The following TNRC6A variants were observed in gnomAD, a reference collection of about 807,000 sequenced individuals.
TNRC6A encodes trinucleotide repeat containing adaptor 6A.
In TNRC6A, 44 loss-of-function variants were observed where a neutral mutation model predicts 221.2. The ratio of observed to expected loss-of-function variants is 0.20; its 90% CI spans 0.16 to 0.26. The LOEUF (loss-of-function observed/expected upper bound fraction) is 0.26, where lower values mean the gene tolerates loss of function less well. Ranked by LOEUF, TNRC6A falls within the 10% of genes least tolerant of loss-of-function variation. The probability of loss-of-function intolerance (pLI) is 1.00; values close to 1 mark genes in which losing one functional copy is unlikely to be tolerated. For missense variants in TNRC6A, 2,199 were observed against 2,404.4 expected (o/e 0.91, Z 1.79); for synonymous variants, 847 against 838.5 (o/e 1.01, Z -0.18).
chr16:24,632,252 G>A (rs940872574), intron 1 of TNRC6A, among the ~76,000 whole-genome samples: 10 of 152,034 alleles, frequency 6.6e-5, no homozygotes, highest in African/African-American at 2.2e-4. Flanking sequence ...ATCCCCCTGT[G>A]GTTTATTGAA....
At chr16:24,638,078 C>A (rs1291718277) in intron 1 of TNRC6A, among the ~76,000 whole-genome samples, 1 of 152,166 alleles carries the variant, frequency 6.6e-6, no homozygotes, top group Non-Finnish European at 1.5e-5. Flanking sequence ...AGCCACCATG[C>A]CTGACTGTGA....
At chr16:24,734,889 A>G (rs2151211074) in intron 2 of TNRC6A, among the ~76,000 whole-genome samples, 1 of 152,354 alleles carries the variant, frequency 6.6e-6, no homozygotes, top group East Asian at 1.9e-4. Context: ...GTCATCATAT[A>G]ACAAAAGTTG....
chr16:24,797,422 A>G, intron 9 of TNRC6A, 68 bp from the exon 10 acceptor site: 1 of 1,182,608 alleles, frequency 8.5e-7, no homozygotes, highest in Non-Finnish European at 1.2e-6. Context: ...AAGTTTTATT[A>G]ATCCGTCACT....
chr16:24,699,040 C>T (rs913881435), intron 2 of TNRC6A, among the ~76,000 whole-genome samples: 1 of 152,078 alleles, frequency 6.6e-6, no homozygotes, highest in Admixed American at 6.6e-5. Context: ...AGCTGAAGAA[C>T]CTACAGAGCG....
intron 1 of TNRC6A, among the ~76,000 whole-genome samples, chr16:24,623,129 A>G (rs1393011570): frequency 6.6e-6 from 1 of 152,124 alleles, no homozygotes; most frequent in African/African-American, 2.4e-5. Context: ...GCAACCACCC[A>G]ACCCAGTCAG....
At chr16:24,821,776 T>G in intron 22 of TNRC6A, 1 of 420,910 alleles carries the variant, frequency 2.4e-6, no homozygotes, top group Non-Finnish European at 4.3e-6. Flanking sequence ...TTGAGATTAT[T>G]TTAGCTCCTA....
At chr16:24,695,046 A>G (rs1186005858) in intron 2 of TNRC6A, among the ~76,000 whole-genome samples, 5 of 152,292 alleles carry the variant, frequency 3.3e-5, no homozygotes, top group Non-Finnish European at 7.3e-5. Context: ...AATTTGATTC[A>G]GAAAACCCAC....
intron 10 of TNRC6A, 75 bp from the exon 11 acceptor site, chr16:24,797,840 G>A: frequency 7.5e-7 from 1 of 1,337,834 alleles, no homozygotes; most frequent in South Asian, 1.5e-5. Context: ...ATGAAACACA[G>A]TAAAATTCTT....
chr16:24,746,434 A>C (rs1050543632), intron 2 of TNRC6A, among the ~76,000 whole-genome samples: 3 of 152,142 alleles, frequency 2.0e-5, no homozygotes, highest in Admixed American at 1.3e-4. Context: ...TAAGAAGTTT[A>C]GTGCTTGAGG....
chr16:24,816,993 T>C, intron 20 of TNRC6A, 37 bp downstream of exon 20: 1 of 1,593,240 alleles, frequency 6.3e-7, no homozygotes, highest in Non-Finnish European at 8.5e-7. Flanking sequence ...TGAGTGACAC[T>C]TAACACAGTT....
chr16:24,708,442 C>T (rs1002814325), intron 2 of TNRC6A, among the ~76,000 whole-genome samples: 6 of 151,908 alleles, frequency 3.9e-5, no homozygotes, highest in African/African-American at 1.5e-4. Context: ...GGGGTTTCAC[C>T]ATGTTAGCCA....
At chr16:24,804,623 T>C in intron 12 of TNRC6A, 82 bp from the exon 13 acceptor site, 1 of 1,514,110 alleles carries the variant, frequency 6.6e-7, no homozygotes, top group South Asian at 1.4e-5. Flanking sequence ...GTCATGTGAC[T>C]TCTCTTCTGT....
intron 10 of TNRC6A, 71 bp from the exon 11 acceptor site, chr16:24,797,844 A>G (rs2058250835): frequency 7.2e-7 from 1 of 1,381,012 alleles, no homozygotes; most frequent in Non-Finnish European, 9.9e-7. Flanking sequence ...AACACAGTAA[A>G]ATTCTTCATT....
intron 1 of TNRC6A, among the ~76,000 whole-genome samples, chr16:24,613,732 C>T (rs56362420): frequency 0.19 from 28,187 of 151,558 alleles, 2,746 homozygotes; most frequent in South Asian, 0.31. Context: ...AACGTGGTTT[C>T]GCCATGTTGG....
intron 2 of TNRC6A, among the ~76,000 whole-genome samples, chr16:24,718,285 G>A (rs765985309): frequency 7.9e-5 from 12 of 152,170 alleles, no homozygotes; most frequent in Non-Finnish European, 1.6e-4. Context: ...TCTTTTCAGA[G>A]GACTGTGTTT....
chr16:24,750,792 G>A lies in TNRC6A; in HGVS notation c.120G>A (p.Lys40=), dbSNP rs202196419. Residue 40 remains lysine (K), a synonymous_variant, in exon 3 of 25, where the codon AAG becomes AAA. Coordinates refer to ENST00000395799, the MANE Select transcript of TNRC6A (RefSeq NM_014494.4). ...AAAAGAAAAAAGACGACAAGAAAAA[G>A]AAGGAAGCTGCTCAAAAGAAGGTAG... ...EKKKKKDDKK[K]KEAAQKKATE... is the part of the protein sequence containing the mutation. The A allele has an allele frequency of 6.4e-7, 1 of 1,563,490 alleles. No homozygotes were observed. Among genetic ancestry groups the A allele is most frequent in the Non-Finnish European group, 8.6e-7 (1 of 1,158,250 alleles).
chr16:24,809,751 A>G (rs1346352263), intron 18 of TNRC6A, among the ~76,000 whole-genome samples: 1 of 152,174 alleles, frequency 6.6e-6, no homozygotes, highest in Non-Finnish European at 1.5e-5. Flanking sequence ...ACATTTTTCT[A>G]AGTGATTTTA....
rs77930747 is a variant in TNRC6A at position 24,685,075 on chromosome 16, G to A, written n.402+44066G>A. On this transcript the variant is annotated intron_variant and non_coding_transcript_variant, in intron 2 of 2. Transcript: ENST00000566108. Reference sequence around the variant, plus strand: ...AAGAGGCCAAATCCTTCCAAACTCAGGGCTTCCAGAGGGGTCTCTCTCTCT... The same window carrying A: ...AAGAGGCCAAATCCTTCCAAACTCAAGGCTTCCAGAGGGGTCTCTCTCTCT... 3.3e-5 allele frequency among the ~76,000 whole-genome samples: 5 copies of A among 152,170 alleles called. No homozygotes were observed. The East Asian group carries it at 9.7e-4, about 30-fold the overall frequency.
At chr16:24,751,181 T>C (rs1277301826) in intron 3 of TNRC6A, among the ~76,000 whole-genome samples, 1 of 149,720 alleles carries the variant, frequency 6.7e-6, no homozygotes, top group Non-Finnish European at 1.5e-5. Context: ...ATGGTGTGAC[T>C]TTAGATTTTA....
Sources: allele counts gnomAD v4.1 joint callset (sites outside exome capture counted in the v4.1 genomes callset), GRCh38; gene constraint gnomAD v4.1.1; transcripts MANE v1.5; gene names NCBI Gene and HGNC (gene_info 2026-07-23, HGNC 2026-07-21).